ZNF709: variants seen among roughly 807,000 people sequenced by gnomAD.
The protein encoded by ZNF709 is zinc finger protein 709.
In ZNF709, 15 loss-of-function variants were observed where a neutral mutation model predicts 10.6. The ratio of observed to expected loss-of-function variants is 1.41; its 90% confidence interval spans 0.95 to 2.18. The LOEUF (loss-of-function observed/expected upper bound fraction) is 2.18. Ranked by LOEUF, ZNF709 falls within the 30% of genes most tolerant of loss-of-function variation. ZNF709 has a pLI of 0.00. For missense variants in ZNF709, 589 were observed against 774.0 expected (o/e 0.76, Z 2.84); for synonymous variants, 194 against 238.8 (o/e 0.81, Z 1.73).
chr19:12,469,497 G>A (rs540369758), intron 1 of ZNF709, among the ~76,000 whole-genome samples: 12 of 152,202 alleles, frequency 7.9e-5, no homozygotes, highest in African/African-American at 1.4e-4. Flanking sequence ...CACCAGGCGC[G>A]GTTGCTCACG....
chr19:12,482,546 G>C (rs1599637061), intron 1 of ZNF709, among the ~76,000 whole-genome samples: 1 of 152,236 alleles, frequency 6.6e-6, no homozygotes, highest in East Asian at 1.9e-4. Flanking sequence ...GTGTCCAGGA[G>C]ACAGATCTCC....
chr19:12,476,995 A>G (rs1970682638), intron 1 of ZNF709, among the ~76,000 whole-genome samples: 1 of 152,218 alleles, frequency 6.6e-6, no homozygotes, highest in Non-Finnish European at 1.5e-5. Flanking sequence ...AAGACTGTGC[A>G]ACAGCAAGGC....
intron 1 of ZNF709, among the ~76,000 whole-genome samples, chr19:12,478,036 A>G (rs540064552): frequency 1.3e-5 from 2 of 152,284 alleles, no homozygotes; most frequent in South Asian, 4.1e-4. Flanking sequence ...AGTGTGCCCT[A>G]TAATCCTGAG....
chr19:12,466,909 A>C (rs8100400), intron 1 of ZNF709, 59 bp from the exon 2 acceptor site: 1 of 1,566,762 alleles, frequency 6.4e-7, no homozygotes, highest in East Asian at 2.3e-5. Context: ...TGGGGATATA[A>C]ACTCAGTTCA....
At chr19:12,484,099 A>G (rs977453595) in intron 1 of ZNF709, among the ~76,000 whole-genome samples, 2 of 152,250 alleles carry the variant, frequency 1.3e-5, no homozygotes, top group African/African-American at 4.8e-5. Context: ...TCTGGTTGAA[A>G]TAACGACGTT....
At chr19:12,475,113 C>T (rs149369956) in intron 1 of ZNF709, among the ~76,000 whole-genome samples, 4 of 151,748 alleles carry the variant, frequency 2.6e-5, no homozygotes, top group Admixed American at 2.6e-4. Context: ...CAAAAATTAG[C>T]CGGGCATGGT....
chr19:12,465,447 CAT>C lies in ZNF709; in HGVS notation c.473_474del (p.His158ArgfsTer11), dbSNP rs1238232025. 1 of 1,611,612 alleles carries C rather than the reference CAT, an allele frequency of 6.2e-7. No homozygotes were observed. The highest frequency in any genetic ancestry group is 8.5e-7 in the Non-Finnish European group (1 of 1,179,194). On this transcript the variant is annotated frameshift_variant, in exon 4 of 4. Coordinates refer to ENST00000397732, the MANE Select transcript of ZNF709 (RefSeq NM_152601.4). LOFTEE classifies it low-confidence loss of function (END_TRUNC). ...GGTTTCTCTCCAGTGTGAGTTCTTT[CAT>C]GTATTCGAAATGAACTTCGAAAGCT... ...RFSFRSSFRI[H>X]ERTHTGEKPY...
intron 1 of ZNF709, among the ~76,000 whole-genome samples, chr19:12,476,359 T>A (rs1339750342): frequency 1.3e-5 from 2 of 150,826 alleles, no homozygotes; most frequent in Non-Finnish European, 2.9e-5. Flanking sequence ...ACTACTGCAC[T>A]CTGGCCTGGG....
Position 12,465,465 on chromosome 19 carries a change from T to C in ZNF709, c.457A>G (p.Ser153Gly). The change falls in exon 4 of 4, where the codon AGT becomes GGT. Residue 153 changes from serine (S) to glycine (G), a missense_variant. Ser to Gly is a moderately conservative substitution (Grantham distance 56). Coordinates refer to ENST00000397732, the MANE Select transcript of ZNF709 (RefSeq NM_152601.4). The part of the protein sequence containing the change: ...KECGKRFSFR[S>G]SFRIHERTHT... ...GTTCTTTCATGTATTCGAAATGAAC[T>C]TCGAAAGCTGAATCTTTTCCCACAT... The C allele has an allele frequency of 6.2e-7, 1 of 1,610,404 alleles. No individual in the cohort carries two copies. Among genetic ancestry groups the C allele is most frequent in the Non-Finnish European group, 8.5e-7 (1 of 1,178,720 alleles).
intron 1 of ZNF709, among the ~76,000 whole-genome samples, chr19:12,478,300 C>A (rs189800891): frequency 9.2e-5 from 14 of 152,260 alleles, no homozygotes; most frequent in African/African-American, 2.6e-4. Context: ...TACCCAGGAC[C>A]ACTTTAAGGA....
At chr19:12,466,546 T>C in intron 2 of ZNF709, 27 bp from the exon 3 acceptor site, 2 of 1,612,922 alleles carry the variant, frequency 1.2e-6, no homozygotes, top group Non-Finnish European at 8.5e-7. Context: ...GAAAAATCAT[T>C]AAACCTATTC....
At chr19:12,480,034 G>C (rs1263337212) in intron 1 of ZNF709, among the ~76,000 whole-genome samples, 1 of 151,996 alleles carries the variant, frequency 6.6e-6, no homozygotes, top group Non-Finnish European at 1.5e-5. Flanking sequence ...AGGTGGGCAT[G>C]GTGGCTCATG....
At chr19:12,479,763 G>A (rs145998734) in intron 1 of ZNF709, among the ~76,000 whole-genome samples, 171 of 152,166 alleles carry the variant, frequency 1.1e-3, no homozygotes, top group African/African-American at 4.0e-3. Context: ...CCAGCTACTC[G>A]CGAGGCTGAG....
intron 1 of ZNF709, among the ~76,000 whole-genome samples, chr19:12,477,445 G>A (rs183190324): frequency 1.7e-3 from 262 of 152,216 alleles, no homozygotes; most frequent in Non-Finnish European, 2.9e-3. Context: ...TCATTCTGGC[G>A]TATTTTAGGA....
intron 1 of ZNF709, among the ~76,000 whole-genome samples, chr19:12,468,344 T>G (rs1401929790): frequency 2.0e-5 from 3 of 152,148 alleles, no homozygotes; most frequent in Admixed American, 2.0e-4. Context: ...TTTTGTTCAG[T>G]ACTAAGAAAA....
chr19:12,469,002 G>C (rs564185115), intron 1 of ZNF709, among the ~76,000 whole-genome samples: 1 of 151,968 alleles, frequency 6.6e-6, no homozygotes, highest in Non-Finnish European at 1.5e-5. Context: ...CACTATGCCC[G>C]GCTAATTTTT....
rs1466088274 is a variant in ZNF709 at position 12,484,691 on chromosome 19, T to C, written c.-34A>G. 2.5e-6 allele frequency: 4 copies of C among 1,613,996 alleles called. No individual in the cohort carries two copies. Among genetic ancestry groups the C allele is most frequent in the Non-Finnish European group, 3.4e-6 (4 of 1,179,920 alleles). ...CTCTGGGATGTCCTGGTGTTCTGTTTACCTCTCCCGCGGCCAGCACAGGTC... is the reference window on the plus strand; with the variant it reads ...CTCTGGGATGTCCTGGTGTTCTGTTCACCTCTCCCGCGGCCAGCACAGGTC... On this transcript the variant is annotated 5_prime_UTR_variant, in exon 1 of 4. Coordinates refer to ENST00000397732, the MANE Select transcript of ZNF709 (RefSeq NM_152601.4).
chr19:12,472,521 CAAAAAA>C (rs34678727), intron 1 of ZNF709, among the ~76,000 whole-genome samples: 1 of 84,694 alleles, frequency 1.2e-5, no homozygotes, highest in East Asian at 3.8e-4. Flanking sequence ...GACTCCATCT[CAAAAAA>C]AAAAAAAAAA....
intron 1 of ZNF709, among the ~76,000 whole-genome samples, chr19:12,472,442 A>C (rs1210442256): frequency 1.3e-5 from 2 of 150,758 alleles, no homozygotes; most frequent in Non-Finnish European, 2.9e-5. Flanking sequence ...GAACTGCTTG[A>C]ACCCGGGAGG....
Sources: gnomAD v4.1 joint callset for allele counts (sites outside exome capture counted in the v4.1 genomes callset) on GRCh38, gnomAD v4.1.1 for gene constraint, MANE v1.5 for transcripts, NCBI Gene and HGNC (gene_info 2026-07-23, HGNC 2026-07-21) for gene names.